The following SIPA1L3 variants were observed in gnomAD, a reference collection of about 807,000 sequenced individuals.
SIPA1L3 encodes signal induced proliferation associated 1 like 3, also known as signal-induced proliferation-associated 1-like protein 3.
In SIPA1L3, 59 loss-of-function variants were observed where a neutral mutation model predicts 150.1. The ratio of observed to expected loss-of-function variants is 0.39; its 90% CI spans 0.32 to 0.49. The LOEUF is 0.49. Ranked by LOEUF, SIPA1L3 falls within the 20% of genes least tolerant of loss-of-function variation. The pLI, the probability that SIPA1L3 is intolerant of heterozygous loss-of-function variation, is 0.86. For synonymous variants in SIPA1L3, 1,070 were observed against 1,077.6 expected (o/e 0.99, Z 0.14); for missense variants, 2,211 against 2,489.5 (o/e 0.89, Z 2.38).
Position 37,952,768 on chromosome 19 carries a change from G to A in SIPA1L3, c.-379+45410G>A, listed in dbSNP as rs553668249. ...GAACCACTTTGCTAGACTTTCCTGAGTGGCGGTTCTTAGCTTTATGTGATC... is the reference window on the plus strand; with the variant it reads ...GAACCACTTTGCTAGACTTTCCTGAATGGCGGTTCTTAGCTTTATGTGATC... On this transcript the variant is annotated intron_variant, in intron 1 of 21. Coordinates refer to ENST00000222345, the MANE Select transcript of SIPA1L3 (RefSeq NM_015073.3). 7.9e-5 allele frequency among the ~76,000 whole-genome samples: 12 copies of A among 152,392 alleles called. No homozygotes were observed. The East Asian group carries it at 2.3e-3, about 29-fold the overall frequency.
At chr19:38,155,862 C>T (rs963254436) in intron 13 of SIPA1L3, among the ~76,000 whole-genome samples, 2 of 152,146 alleles carry the variant, frequency 1.3e-5, no homozygotes, top group Non-Finnish European at 2.9e-5. Flanking sequence ...AGGCCGATCT[C>T]CTGAGATCAG....
At chr19:38,064,257 G>A (rs183799557) in intron 2 of SIPA1L3, among the ~76,000 whole-genome samples, 10 of 152,208 alleles carry the variant, frequency 6.6e-5, no homozygotes, top group East Asian at 3.9e-4. Context: ...CGCCCCACCC[G>A]GCCCTGGCAC....
chr19:38,063,297 C>A (rs897380053), intron 2 of SIPA1L3, among the ~76,000 whole-genome samples: 1 of 152,004 alleles, frequency 6.6e-6, no homozygotes, highest in Non-Finnish European at 1.5e-5. Flanking sequence ...TCCCTGCCAG[C>A]CTTCCCACGG....
chr19:38,078,551 GACACGCACACAGACAT>G (rs1969905931), intron 2 of SIPA1L3, among the ~76,000 whole-genome samples: 1 of 141,576 alleles, frequency 7.1e-6, no homozygotes, highest in Admixed American at 7.0e-5. Context: ...CACACACACA[GACACGCACACAGACAT>G]ACACAGAGAC....
intron 10 of SIPA1L3, among the ~76,000 whole-genome samples, chr19:38,133,586 T>C (rs1391780221): frequency 6.6e-6 from 1 of 152,146 alleles, no homozygotes; most frequent in African/African-American, 2.4e-5. Flanking sequence ...GAGGCCCCAA[T>C]GGGTCAGGGG....
At position 38,171,992 on chromosome 19, in the gene SIPA1L3, T is replaced by A. The variant is rs375980139; in HGVS notation, c.4208+7086T>A. ...ATTCAGGGCCCTACCAGCTCCATTA[T>A]GGAGTTTGGATCTCATCTTAAGAGC... On this transcript the variant is annotated intron_variant, in intron 15 of 21. Transcript: ENST00000222345. 3.2e-4 allele frequency among the ~76,000 whole-genome samples: 49 copies of A among 152,274 alleles called. No homozygotes were observed. The East Asian group carries it at 7.7e-3, about 24-fold the overall frequency.
rs992832492 is a variant in SIPA1L3 at position 38,121,176 on chromosome 19, TA to T, written c.2868+1304del. Among the ~76,000 whole-genome samples the T allele has an allele frequency of 8.2e-3, 1,216 of 148,540 alleles. 14 individuals carry two copies. Among genetic ancestry groups the T allele is most frequent in the African/African-American group, 0.028 (1,131 of 40,498 alleles). On this transcript the variant is annotated intron_variant, in intron 9 of 21. Transcript: ENST00000222345. ...GGGCAATACAGTGAGATGCCGTTTC[TA>T]AAAAAAAAATAAAAAAATAAATTAG...
At chr19:38,083,698 A>G (rs962388749) in intron 3 of SIPA1L3, among the ~76,000 whole-genome samples, 1 of 152,124 alleles carries the variant, frequency 6.6e-6, no homozygotes, top group Non-Finnish European at 1.5e-5. Flanking sequence ...CGAATACAAA[A>G]GTCTTGGAAC....
In SIPA1L3 at chr19:38,081,668, G is replaced by A. The variant is rs768281282; in HGVS notation, c.103G>A (p.Ala35Thr). 5.6e-6 allele frequency: 9 copies of A among 1,612,230 alleles called. No individual in the cohort carries two copies. The highest frequency in any genetic ancestry group is 1.1e-5 in the South Asian group (1 of 91,074). Residue 35 changes from alanine to threonine, a missense_variant, in exon 3 of 22, where the codon GCT becomes ACT. Transcript: ENST00000222345. The stretch of plus-strand genomic sequence containing the variant: ...CCCTGGGCCACACACAGGGGACTAC[G>A]CTCCCTTGGGATTCTGGGCCCAGAA... Reference protein sequence around the residue: ...VLPGPHTGDYAPLGFWAQNGS... With the variant: ...VLPGPHTGDYTPLGFWAQNGS...
intron 10 of SIPA1L3, among the ~76,000 whole-genome samples, chr19:38,136,675 G>A (rs1971444291): frequency 6.6e-6 from 1 of 152,232 alleles, no homozygotes; most frequent in Non-Finnish European, 1.5e-5. Context: ...CATCATCACA[G>A]GCAGCTCAGT....
chr19:38,049,664 C>A (rs1490736838), intron 2 of SIPA1L3, among the ~76,000 whole-genome samples: 1 of 152,182 alleles, frequency 6.6e-6, no homozygotes, highest in East Asian at 1.9e-4. Context: ...AAGGCACCTG[C>A]CACAACACCC....
At chr19:38,119,918 G>C in intron 9 of SIPA1L3, 36 bp downstream of exon 9, 2 of 1,495,720 alleles carry the variant, frequency 1.3e-6, no homozygotes, top group East Asian at 4.6e-5. Flanking sequence ...GCGGCGATTT[G>C]TATGGTTTCG....
intron 1 of SIPA1L3, among the ~76,000 whole-genome samples, chr19:37,931,558 C>G (rs1227969851): frequency 6.6e-6 from 1 of 151,496 alleles, no homozygotes; most frequent in Non-Finnish European, 1.5e-5. Flanking sequence ...ACCAGCGTGG[C>G]TAACATGTTG....
chr19:38,119,311 C>T lies in SIPA1L3; in HGVS notation c.2297C>T (p.Ala766Val), dbSNP rs1483028033. ...AATAATCTCTCCCTCCACAGTATGG[C>T]TGTGACCCGATCCAAAGACGCTCCT... is the stretch of plus-strand genomic sequence containing the variant. ...PCTDNVCYSM[A>V]VTRSKDAPPF... is the part of the protein sequence containing the mutation. Residue 766 changes from alanine (A) to valine (V), a missense_variant, in exon 9 of 22, where the codon GCT (alanine) becomes GTT (valine). This residue lies in a region of SIPA1L3 where 625 missense variants were observed against 804.2 expected (regional missense o/e 0.78). Coordinates refer to ENST00000222345, the MANE Select transcript of SIPA1L3 (RefSeq NM_015073.3). 1.9e-6 allele frequency: 3 copies of T among 1,613,258 alleles called. No individual in the cohort carries two copies. In the Admixed American group the frequency reaches 5.0e-5, roughly 27 times the overall value.
intron 16 of SIPA1L3, 74 bp from the exon 17 acceptor site, chr19:38,192,071 C>T: frequency 6.9e-7 from 1 of 1,439,866 alleles, no homozygotes. Context: ...GGCCGGCCCT[C>T]TTGAATCCAA....
At chr19:37,981,331 G>C (rs1967195994) in intron 1 of SIPA1L3, among the ~76,000 whole-genome samples, 1 of 151,906 alleles carries the variant, frequency 6.6e-6, no homozygotes, top group African/African-American at 2.4e-5. Context: ...GGCTGAAGTG[G>C]GAGGATCACT....
At chr19:38,162,159 G>T in intron 13 of SIPA1L3, 94 bp from the exon 14 acceptor site, 1 of 892,464 alleles carries the variant, frequency 1.1e-6, no homozygotes, top group African/African-American at 1.6e-5. Context: ...GGGTCATGCC[G>T]TGGGTGAGCA....
chr19:37,946,998 A>C (rs1266454564), intron 1 of SIPA1L3, among the ~76,000 whole-genome samples: 2 of 152,032 alleles, frequency 1.3e-5, no homozygotes, highest in Non-Finnish European at 2.9e-5. Context: ...GTTTGACACC[A>C]GCCTTGGCAA....
rs577452131 is a variant in SIPA1L3, at chr19:38,039,565, G to A, written c.-311+10409G>A. On this transcript the variant is annotated intron_variant, in intron 2 of 21. Coordinates refer to ENST00000222345, the MANE Select transcript of SIPA1L3 (RefSeq NM_015073.3). ...AAAAATTAGCCTGACGTGGTGGCAC[G>A]CGCATGTAATCCCAGCTACTCAGGA... 1.1e-4 allele frequency among the ~76,000 whole-genome samples: 17 copies of A among 151,870 alleles called. No individual in the cohort carries two copies. In the East Asian group the frequency reaches 1.9e-3, roughly 17 times the overall value.
Sources: allele counts gnomAD v4.1 joint callset (sites outside exome capture counted in the v4.1 genomes callset), GRCh38; gene constraint gnomAD v4.1.1; regional missense constraint gnomAD v4.1.1; transcripts MANE v1.5; gene names NCBI Gene and HGNC (gene_info 2026-07-23, HGNC 2026-07-21).